Variants in DLG1 observed in about 807,000 individuals in gnomAD.
DLG1 encodes discs large MAGUK scaffold protein 1.
DLG1 carries 42 observed loss-of-function variants against 123.4 expected under a neutral mutation model. That is an observed-to-expected ratio of 0.34 (90% confidence interval 0.27 to 0.44). DLG1 has a LOEUF of 0.44. DLG1 is among the 20% of genes least tolerant of loss of function. The pLI, the probability that DLG1 is intolerant of heterozygous loss-of-function variation, is 1.00. For synonymous variants in DLG1, 317 were observed against 356.2 expected (o/e 0.89, Z 1.24); for missense variants, 942 against 1,082.6 (o/e 0.87, Z 1.82).
At chr3:197,178,556 G>A (rs950704972) in intron 5 of DLG1, among the ~76,000 whole-genome samples, 1 of 152,116 alleles carries the variant, frequency 6.6e-6, no homozygotes, top group African/African-American at 2.4e-5. Flanking sequence ...AAATACTGAT[G>A]GTATTTAAGG....
At chr3:197,183,669 T>C in intron 5 of DLG1, 1 of 1,550,608 alleles carries the variant, frequency 6.4e-7, no homozygotes. Context: ...AGGTTCTGGC[T>C]CAGCTTGCAG....
At chr3:197,296,115 G>C (rs776734448) in intron 3 of DLG1, among the ~76,000 whole-genome samples, 2 of 152,198 alleles carry the variant, frequency 1.3e-5, no homozygotes, top group Non-Finnish European at 2.9e-5. Context: ...ATGCTATTAA[G>C]ATGTGAAACA....
At chr3:197,256,589 T>C (rs554675874) in intron 4 of DLG1, among the ~76,000 whole-genome samples, 1 of 152,364 alleles carries the variant, frequency 6.6e-6, no homozygotes, top group Admixed American at 6.5e-5. Context: ...AAAGATTTAA[T>C]AGTGATTTAA....
intron 5 of DLG1, 119 bp from the exon 6 acceptor site, chr3:197,149,915 T>G (rs1793050395): frequency 3.1e-6 from 2 of 650,706 alleles, no homozygotes; most frequent in Non-Finnish European, 5.5e-6. Flanking sequence ...TATATGAGCT[T>G]TTTATATGTT....
chr3:197,105,703 A>G (rs528167651), intron 13 of DLG1, among the ~76,000 whole-genome samples: 1 of 152,308 alleles, frequency 6.6e-6, no homozygotes, highest in African/African-American at 2.4e-5. Context: ...CTTTGCGCGC[A>G]TATATACATA....
At chr3:197,136,917 G>A (rs1785319490) in intron 9 of DLG1, among the ~76,000 whole-genome samples, 1 of 152,016 alleles carries the variant, frequency 6.6e-6, no homozygotes, top group African/African-American at 2.4e-5. Context: ...GTATCTTTTC[G>A]CAAATGCACT....
intron 4 of DLG1, among the ~76,000 whole-genome samples, chr3:197,262,633 A>G (rs752941951): frequency 1.5e-4 from 23 of 152,118 alleles, no homozygotes; most frequent in Non-Finnish European, 2.6e-4. Flanking sequence ...GTGGGATCTG[A>G]CACTATACTT....
At chr3:197,072,680 TAAAAAAAAA>T (rs200686303) in intron 18 of DLG1, among the ~76,000 whole-genome samples, 1 of 136,586 alleles carries the variant, frequency 7.3e-6, no homozygotes, top group African/African-American at 2.7e-5. Context: ...ATGATTGTCT[TAAAAAAAAA>T]AAAAACAAAA....
At chr3:197,105,155 T>C (rs570893388) in intron 13 of DLG1, 150 bp from the exon 14 acceptor site, 2 of 531,686 alleles carry the variant, frequency 3.8e-6, no homozygotes, top group African/African-American at 4.0e-5. Flanking sequence ...ACTAAAAATA[T>C]ATTGTGTAGT....
At chr3:197,216,665 A>G (rs1414866704) in intron 4 of DLG1, among the ~76,000 whole-genome samples, 1 of 152,200 alleles carries the variant, frequency 6.6e-6, no homozygotes, top group Non-Finnish European at 1.5e-5. Context: ...TCCCAGAAGG[A>G]GGTATTCGGC....
At chr3:197,066,370 G>T (rs531295961) in intron 20 of DLG1, among the ~76,000 whole-genome samples, 213 of 152,212 alleles carry the variant, frequency 1.4e-3, no homozygotes, top group African/African-American at 5.1e-3. Flanking sequence ...AACCTAACTG[G>T]ATGAGGAGGA....
Position 197,119,453 on chromosome 3 carries a change from A to T in DLG1, c.1243T>A (p.Ser415Thr), listed in dbSNP as rs1456285584. 7 of 1,611,114 alleles carry T rather than the reference A, an allele frequency of 4.3e-6. No individual in the cohort carries two copies. The highest frequency in any genetic ancestry group is 5.9e-6 in the Non-Finnish European group (7 of 1,177,878). Residue 415 changes from serine to threonine, a missense_variant, in exon 12 of 25, where the codon TCC becomes ACC. By Grantham distance (58) the Ser-to-Thr change is moderately conservative. Coordinates refer to ENST00000667157, the MANE Select transcript of DLG1 (RefSeq NM_001366207.1). ...GQTPASPARY[S>T]PVSKAVLGDD... ...CCAAGTACTGCTTTAGAAACTGGGGAGTATCTGGCTGGAGATGCTGGTGTC... is the reference window on the plus strand; with the variant it reads ...CCAAGTACTGCTTTAGAAACTGGGGTGTATCTGGCTGGAGATGCTGGTGTC...
At chr3:197,199,133 T>A (rs1724248407) in intron 4 of DLG1, among the ~76,000 whole-genome samples, 1 of 152,158 alleles carries the variant, frequency 6.6e-6, no homozygotes, top group African/African-American at 2.4e-5. Context: ...ATTGAAAAAA[T>A]CTTTTCTGAA....
At chr3:197,181,955 C>T (rs1365051107) in intron 5 of DLG1, among the ~76,000 whole-genome samples, 2 of 152,160 alleles carry the variant, frequency 1.3e-5, no homozygotes, top group African/African-American at 2.4e-5. Context: ...ATCACAGCAA[C>T]GTTCTGCTCC....
At chr3:197,134,217 C>T (rs1481753333) in intron 10 of DLG1, among the ~76,000 whole-genome samples, 1 of 152,064 alleles carries the variant, frequency 6.6e-6, no homozygotes, top group East Asian at 1.9e-4. Flanking sequence ...AAGTTCTGCT[C>T]TTTCCTTTTC....
intron 11 of DLG1, among the ~76,000 whole-genome samples, chr3:197,126,036 T>C (rs1579796733): frequency 1.3e-5 from 2 of 152,234 alleles, no homozygotes; most frequent in Admixed American, 1.3e-4. Flanking sequence ...GAATTGCATA[T>C]GCAGAAGTGT....
At chr3:197,203,059 G>C (rs1561433887) in intron 4 of DLG1, among the ~76,000 whole-genome samples, 1 of 152,114 alleles carries the variant, frequency 6.6e-6, no homozygotes, top group Admixed American at 6.5e-5. Flanking sequence ...GATCAGGTGA[G>C]CCCAGGAGTT....
At chr3:197,174,584 A>G (rs1212939264) in intron 5 of DLG1, among the ~76,000 whole-genome samples, 2 of 152,182 alleles carry the variant, frequency 1.3e-5, no homozygotes, top group African/African-American at 4.8e-5. Flanking sequence ...TAGTTTGGCT[A>G]AAGCAATTAA....
chr3:197,136,765 C>T, intron 9 of DLG1, 87 bp from the exon 10 acceptor site: 1 of 1,115,490 alleles, frequency 9.0e-7, no homozygotes, highest in Non-Finnish European at 1.3e-6. Context: ...GGTAATTATT[C>T]CCTCACACTA....
Sources: gnomAD v4.1 joint callset for allele counts (sites outside exome capture counted in the v4.1 genomes callset) on GRCh38, gnomAD v4.1.1 for gene constraint, MANE v1.5 for transcripts, NCBI Gene and HGNC (gene_info 2026-07-23, HGNC 2026-07-21) for gene names.